Variants in SLC2A13 observed in about 807,000 individuals in gnomAD.
SLC2A13 encodes the protein solute carrier family 2 member 13, also known as proton myo-inositol cotransporter.
Under a neutral mutation model 64.4 loss-of-function variants are expected in SLC2A13, and 32 were observed. The ratio of observed to expected loss-of-function variants is 0.50; its 90% confidence interval spans 0.37 to 0.67. SLC2A13 has a LOEUF of 0.67. Ranked by LOEUF, SLC2A13 falls within the 30% of genes least tolerant of loss-of-function variation. The pLI is 0.00. For missense variants in SLC2A13, 743 were observed against 829.2 expected (o/e 0.90, Z 1.28); for synonymous variants, 338 against 327.1 (o/e 1.03, Z -0.36).
intron 7 of SLC2A13, among the ~76,000 whole-genome samples, chr12:39,790,309 C>T (rs182106858): frequency 0.012 from 1,800 of 150,266 alleles, 37 homozygotes; most frequent in African/African-American, 0.041. Context: ...TGTGCTGGTG[C>T]GCTGCACCCA....
intron 4 of SLC2A13, among the ~76,000 whole-genome samples, chr12:39,946,662 C>T (rs1946140371): frequency 6.6e-6 from 1 of 152,156 alleles, no homozygotes; most frequent in African/African-American, 2.4e-5. Context: ...CAGTCACAGG[C>T]CTCACCCAAC....
intron 3 of SLC2A13, among the ~76,000 whole-genome samples, chr12:39,963,794 A>G (rs1302102388): frequency 6.6e-6 from 1 of 152,222 alleles, no homozygotes; most frequent in Non-Finnish European, 1.5e-5. Flanking sequence ...CTATTAGCAC[A>G]TTCCCTTTTT....
chr12:39,924,731 C>T (rs1945686445), intron 4 of SLC2A13, among the ~76,000 whole-genome samples: 1 of 151,912 alleles, frequency 6.6e-6, no homozygotes, highest in Non-Finnish European at 1.5e-5. Context: ...AAAACAGAGG[C>T]AGTATTTGGT....
intron 7 of SLC2A13, among the ~76,000 whole-genome samples, chr12:39,793,234 T>C (rs1243578255): frequency 1.3e-5 from 2 of 152,154 alleles, no homozygotes; most frequent in Non-Finnish European, 2.9e-5. Context: ...AAATTCTATT[T>C]ATAATAGCAC....
intron 1 of SLC2A13, among the ~76,000 whole-genome samples, chr12:40,080,285 T>G (rs1432313961): frequency 1.3e-5 from 2 of 152,244 alleles, no homozygotes; most frequent in African/African-American, 4.8e-5. Flanking sequence ...ATGAGTGGGT[T>G]TGCATTTCAG....
chr12:39,954,555 C>T (rs1946287092), intron 3 of SLC2A13, among the ~76,000 whole-genome samples: 1 of 152,022 alleles, frequency 6.6e-6, no homozygotes, highest in African/African-American at 2.4e-5. Flanking sequence ...CTGAAGCATA[C>T]AAAAGAGTAT....
intron 5 of SLC2A13, among the ~76,000 whole-genome samples, chr12:39,868,629 C>T (rs1215009805): frequency 2.0e-5 from 3 of 152,160 alleles, no homozygotes; most frequent in African/African-American, 7.2e-5. Flanking sequence ...AGAAATATTA[C>T]ACTACCAAAA....
At chr12:40,041,078 G>A (rs923257555) in intron 2 of SLC2A13, among the ~76,000 whole-genome samples, 2 of 152,116 alleles carry the variant, frequency 1.3e-5, no homozygotes, top group East Asian at 1.9e-4. Flanking sequence ...TCAGCCTCCC[G>A]AGTAACTGGG....
At chr12:39,805,342 A>G (rs1452371938) in intron 7 of SLC2A13, among the ~76,000 whole-genome samples, 1 of 152,110 alleles carries the variant, frequency 6.6e-6, no homozygotes, top group African/African-American at 2.4e-5. Context: ...ATGCTGGGAC[A>G]CCAGTTAGGA....
chr12:39,863,372 A>G (rs188475781), intron 6 of SLC2A13, among the ~76,000 whole-genome samples: 90 of 152,258 alleles, frequency 5.9e-4, no homozygotes, highest in Admixed American at 2.2e-3. Flanking sequence ...TTCCTTTCCT[A>G]TATCAGAAGT....
intron 2 of SLC2A13, among the ~76,000 whole-genome samples, chr12:40,038,096 T>C (rs1246579809): frequency 6.6e-6 from 1 of 152,230 alleles, no homozygotes; most frequent in Non-Finnish European, 1.5e-5. Flanking sequence ...TCACTGACTT[T>C]AAACCTTTCC....
At chr12:39,900,941 C>T (rs974000600) in intron 4 of SLC2A13, among the ~76,000 whole-genome samples, 4 of 152,180 alleles carry the variant, frequency 2.6e-5, no homozygotes, top group African/African-American at 7.2e-5. Context: ...TCAAACTATA[C>T]CACAAGGCAA....
At chr12:39,771,851 C>A (rs1172843932) in intron 7 of SLC2A13, among the ~76,000 whole-genome samples, 1 of 152,128 alleles carries the variant, frequency 6.6e-6, no homozygotes, top group East Asian at 1.9e-4. Context: ...TACTCCTGTA[C>A]ACAATCCTTT....
At chr12:39,910,900 T>C (rs974545577) in intron 4 of SLC2A13, among the ~76,000 whole-genome samples, 3 of 151,980 alleles carry the variant, frequency 2.0e-5, no homozygotes, top group Admixed American at 6.6e-5. Context: ...CTGACCAATA[T>C]GGTGAAACCC....
At chr12:40,071,153 GCT>G (rs1443472792) in intron 1 of SLC2A13, among the ~76,000 whole-genome samples, 1 of 152,084 alleles carries the variant, frequency 6.6e-6, no homozygotes, top group African/African-American at 2.4e-5. Context: ...CCATTTTTGG[GCT>G]CTCTGTCTCA....
At chr12:39,923,435 A>C (rs1006806578) in intron 4 of SLC2A13, among the ~76,000 whole-genome samples, 2 of 152,140 alleles carry the variant, frequency 1.3e-5, no homozygotes, top group African/African-American at 2.4e-5. Flanking sequence ...CACTTACATA[A>C]AGTATCTAGA....
At chr12:39,978,927 GA>G (rs1946825766) in intron 3 of SLC2A13, among the ~76,000 whole-genome samples, 1 of 149,254 alleles carries the variant, frequency 6.7e-6, no homozygotes, top group Non-Finnish European at 1.5e-5. Context: ...GTCCCTGTCT[GA>G]CAGCTTTGAA....
At chr12:39,944,399 T>C (rs12580213) in intron 4 of SLC2A13, among the ~76,000 whole-genome samples, 1 of 152,250 alleles carries the variant, frequency 6.6e-6, no homozygotes, top group East Asian at 1.9e-4. Flanking sequence ...TGTTTCTTTG[T>C]TGACTTTTTG....
intron 1 of SLC2A13, among the ~76,000 whole-genome samples, chr12:40,049,854 C>T (rs1948227880): frequency 6.6e-6 from 1 of 152,076 alleles, no homozygotes; most frequent in African/African-American, 2.4e-5. Context: ...ATTAAATTTG[C>T]ACACAAGTCA....
Sources: allele counts gnomAD v4.1 joint callset (sites outside exome capture counted in the v4.1 genomes callset), GRCh38; gene constraint gnomAD v4.1.1; transcripts MANE v1.5; gene names NCBI Gene and HGNC (gene_info 2026-07-23, HGNC 2026-07-21).